POTEB3: variants seen among roughly 807,000 people sequenced by gnomAD.
POTEB3 encodes POTE ankyrin domain family member B3.
In POTEB3, 5 loss-of-function variants were observed where a neutral mutation model predicts 39.8. That is an observed-to-expected ratio of 0.13 (90% CI 0.07 to 0.26). The LOEUF (loss-of-function observed/expected upper bound fraction) is 0.26. Ranked by LOEUF, POTEB3 falls within the 10% of genes least tolerant of loss-of-function variation. The pLI is 1.00. For missense variants in POTEB3, 24 were observed against 475.6 expected (o/e 0.05, Z 8.83); for synonymous variants, 5 against 161.5 (o/e 0.03, Z 7.35).
At chr15:21,424,458 CT>C (rs1898597847) in intron 6 of POTEB3, among the ~76,000 whole-genome samples, 1 of 120,582 alleles carries the variant, frequency 8.3e-6, no homozygotes, top group East Asian at 2.2e-4. Context: ...TCTCTTACTT[CT>C]TTTTTGTTAT....
In POTEB3 at chr15:21,432,395, C is replaced by CTAGA. The variant is rs1292151691; in HGVS notation, c.811-554_811-551dup. On this transcript the variant is annotated intron_variant, in intron 3 of 10. Coordinates refer to ENST00000611217, the MANE Select transcript of POTEB3 (RefSeq NM_207355.5). ...GTATTTAATTTTTCCAGATTGTTAA[C>CTAGA]TAGATAGATAATCAGTTCATAGGAT... Among the ~76,000 whole-genome samples the CTAGA allele has an allele frequency of 5.7e-5, 4 of 70,346 alleles. 1 individual carries two copies. Among genetic ancestry groups the CTAGA allele is most frequent in the African/African-American group, 2.0e-4 (4 of 20,280 alleles). 46.1% of individuals were successfully genotyped at this position (70,346 alleles called of 152,430 possible). A position where few individuals can be genotyped will look rare whatever the true frequency, so the allele number is the denominator to read the frequency against.
intron 6 of POTEB3, 138 bp from the exon 7 acceptor site, chr15:21,422,328 CTTAGGAAATAA>C: frequency 7.4e-7 from 1 of 1,342,658 alleles, no homozygotes. Flanking sequence ...GAAATAGTTA[CTTAGGAAATAA>C]TTCTCCAAAA....
rs1315052065 is a variant in POTEB3 at position 21,419,774 on chromosome 15, A to G, written c.1243-144T>C. The G allele has an allele frequency of 1.6e-4, 83 of 504,626 alleles. 2 individuals carry two copies. In the Middle Eastern group the frequency reaches 1.8e-3, roughly 11 times the overall value. The allele number at this position is 504,626 out of a possible 1,614,324, so 31.3% of individuals were successfully genotyped here. The stretch of plus-strand genomic sequence containing the variant: ...CACTTAAATTTGATCATATATACAG[A>G]ACTATAACCGTATAATTTTAAGATG... On this transcript the variant is annotated intron_variant, in intron 8 of 10. Coordinates refer to ENST00000611217, the MANE Select transcript of POTEB3 (RefSeq NM_207355.5).
chr15:21,428,222 CTT>C (rs1186797968), intron 5 of POTEB3, among the ~76,000 whole-genome samples: 4 of 140,022 alleles, frequency 2.9e-5, no homozygotes, highest in Non-Finnish European at 6.2e-5. Context: ...TGTTCCTAAA[CTT>C]TATGACTAAA....
intron 6 of POTEB3, chr15:21,426,108 C>G (rs1406142461): frequency 4.8e-6 from 2 of 414,992 alleles, no homozygotes; most frequent in African/African-American, 4.3e-5. Flanking sequence ...CTCAGAAACC[C>G]TGCAAAGTTC....
chr15:21,424,657 T>C (rs1328980543), intron 6 of POTEB3, among the ~76,000 whole-genome samples: 1 of 151,016 alleles, frequency 6.6e-6, no homozygotes, highest in Non-Finnish European at 1.5e-5. Context: ...TTCCTTAATA[T>C]GCTCCTTGCT....
At chr15:21,424,929 A>T (rs1898622104) in intron 6 of POTEB3, 1 of 146,842 alleles carries the variant, frequency 6.8e-6, no homozygotes, top group Non-Finnish European at 1.5e-5. Context: ...AAGCCTTCCA[A>T]CTATTAATGT....
chr15:21,415,587 G>C (rs182354831), intron 9 of POTEB3, among the ~76,000 whole-genome samples: 1,585 of 56,692 alleles, frequency 0.028, no homozygotes, highest in Middle Eastern at 0.068. Flanking sequence ...TGGTGGGAAA[G>C]TTGGGGTGGT....
At chr15:21,430,742 A>T (rs1258971484) in intron 4 of POTEB3, among the ~76,000 whole-genome samples, 1 of 151,306 alleles carries the variant, frequency 6.6e-6, no homozygotes, top group African/African-American at 2.4e-5. Flanking sequence ...GCTTCCCTAG[A>T]CTGATATGCT....
chr15:21,428,915 C>T, intron 5 of POTEB3: 1 of 132,830 alleles, frequency 7.5e-6, no homozygotes. Flanking sequence ...GTGCTGCCTC[C>T]TTATGCAGAA....
intron 3 of POTEB3, among the ~76,000 whole-genome samples, chr15:21,433,441 C>G (rs1476853917): frequency 6.7e-6 from 1 of 149,512 alleles, no homozygotes; most frequent in East Asian, 2.0e-4. Flanking sequence ...CTTACTCTAT[C>G]AAAATCTTCA....
chr15:21,413,546 A>ATG (rs1191198581), intron 9 of POTEB3, among the ~76,000 whole-genome samples: 3 of 28,212 alleles, frequency 1.1e-4, no homozygotes, highest in East Asian at 1.2e-3. Flanking sequence ...ATATATATAT[A>ATG]TATATATGTA....
intron 9 of POTEB3, among the ~76,000 whole-genome samples, chr15:21,412,637 AAC>A (rs1898335568): frequency 1.4e-5 from 1 of 69,584 alleles, no homozygotes; most frequent in Admixed American, 1.2e-4. Flanking sequence ...AGGATACAAA[AAC>A]ATACACTGGA....
At chr15:21,433,319 C>G (rs1342713069) in intron 3 of POTEB3, among the ~76,000 whole-genome samples, 1 of 150,568 alleles carries the variant, frequency 6.6e-6, no homozygotes, top group Non-Finnish European at 1.5e-5. Context: ...AACTCCTAAG[C>G]TCAGGCAATC....
chr15:21,422,696 C>A (rs1346494178), intron 6 of POTEB3, among the ~76,000 whole-genome samples: 1 of 149,766 alleles, frequency 6.7e-6, no homozygotes, highest in African/African-American at 2.5e-5. Context: ...CCTTTACCAT[C>A]TCCCCTCCCC....
In POTEB3 at chr15:21,410,854, T is replaced by C. The variant is rs1490858722; in HGVS notation, c.1533+24A>G. The C allele has an allele frequency of 1.9e-6, 2 of 1,073,414 alleles. 1 individual carries two copies. The highest frequency in any genetic ancestry group is 2.5e-6 in the Non-Finnish European group (2 of 809,342). The allele number at this position is 1,073,414 out of a possible 1,614,324, so 66.5% of individuals were successfully genotyped here. ...AAAAATATACACACATATGAAAACATTTGATAATGACTAAAGAAAATACCT... is the reference window on the plus strand; with the variant it reads ...AAAAATATACACACATATGAAAACACTTGATAATGACTAAAGAAAATACCT... On this transcript the variant is annotated intron_variant, in intron 10 of 10. Coordinates refer to ENST00000611217, the MANE Select transcript of POTEB3 (RefSeq NM_207355.5).
intron 6 of POTEB3, among the ~76,000 whole-genome samples, chr15:21,422,848 A>G (rs1335701196): frequency 4.6e-5 from 7 of 150,908 alleles, no homozygotes; most frequent in Admixed American, 6.6e-5. Context: ...TTCTGCTTCT[A>G]TAAGTTTGCC....
chr15:21,410,136 A>G (rs1849795), intron 10 of POTEB3, among the ~76,000 whole-genome samples: 18,146 of 71,474 alleles, frequency 0.25, 3,997 homozygotes, highest in African/African-American at 0.39. Context: ...AATACAAATG[A>G]TAAATAAGAT....
At chr15:21,423,128 G>T (rs1333065405) in intron 6 of POTEB3, among the ~76,000 whole-genome samples, 1 of 142,754 alleles carries the variant, frequency 7.0e-6, no homozygotes, top group Non-Finnish European at 1.6e-5. Context: ...TTTAGCTGGG[G>T]TCTTGCTCTG....
Sources: allele counts gnomAD v4.1 joint callset (sites outside exome capture counted in the v4.1 genomes callset), GRCh38; gene constraint gnomAD v4.1.1; transcripts MANE v1.5; gene names NCBI Gene and HGNC (gene_info 2026-07-23, HGNC 2026-07-21).